PAXBP1: variants seen among roughly 807,000 people sequenced by gnomAD.
PAXBP1 encodes the protein PAX3 and PAX7 binding protein 1.
In PAXBP1, 44 loss-of-function variants were observed where a neutral mutation model predicts 119.9. That is an observed-to-expected ratio of 0.37 (90% confidence interval 0.29 to 0.47). PAXBP1 has a LOEUF of 0.47. Ranked by LOEUF, PAXBP1 falls within the 20% of genes least tolerant of loss-of-function variation. The probability of loss-of-function intolerance (pLI) is 0.99; values close to 1 mark genes in which losing one functional copy is unlikely to be tolerated. For synonymous variants in PAXBP1, 393 were observed against 406.6 expected (o/e 0.97, Z 0.40); for missense variants, 898 against 1,134.1 (o/e 0.79, Z 2.99).
chr21:32,749,615 C>G (rs1008853562), intron 10 of PAXBP1, among the ~76,000 whole-genome samples: 2 of 151,876 alleles, frequency 1.3e-5, no homozygotes, highest in Non-Finnish European at 2.9e-5. Context: ...ATAGTGGGGA[C>G]AGTCTAACAT....
At position 32,734,678 on chromosome 21, in the gene PAXBP1, C is replaced by T. The variant is rs1312543117; in HGVS notation, c.*272G>A. 9.1e-6 allele frequency: 4 copies of T among 440,720 alleles called. No homozygotes were observed. The East Asian group carries it at 1.9e-4, about 21-fold the overall frequency. 27.3% of individuals were successfully genotyped at this position (440,720 alleles called of 1,614,324 possible). ...CACTGCACACATCGTTTACAGGGGACAATTAACTGAGAGGGTTAATTTAAA... is the reference window on the plus strand; with the variant it reads ...CACTGCACACATCGTTTACAGGGGATAATTAACTGAGAGGGTTAATTTAAA... On this transcript the variant is annotated 3_prime_UTR_variant, in exon 18 of 18. Transcript: ENST00000331923.
Position 32,755,398 on chromosome 21 carries a change from CTTA to C in PAXBP1, c.1384-48_1384-46del, listed in dbSNP as rs759678928. The C allele has an allele frequency of 2.1e-5, 34 of 1,588,432 alleles. No homozygotes were observed. The Admixed American group carries it at 4.6e-4, about 22-fold the overall frequency. On this transcript the variant is annotated intron_variant, in intron 7 of 17. Transcript: ENST00000331923. ...TCCGTAACACCAAACTCCTCAGCTGCTTATTTATTTGAGGGTTCCATACTATTT... is the reference window on the plus strand; with the variant it reads ...TCCGTAACACCAAACTCCTCAGCTGCTTTATTTGAGGGTTCCATACTATTT...
At chr21:32,747,594 A>G (rs2043893564) in intron 11 of PAXBP1, among the ~76,000 whole-genome samples, 1 of 152,152 alleles carries the variant, frequency 6.6e-6, no homozygotes, top group East Asian at 1.9e-4. Flanking sequence ...TTGTGTTTCC[A>G]TGGCATCAAC....
At chr21:32,737,568 T>A in intron 16 of PAXBP1, 160 bp from the exon 17 acceptor site, 2 of 562,478 alleles carry the variant, frequency 3.6e-6, no homozygotes, top group Non-Finnish European at 5.7e-6. Flanking sequence ...TCTGACTTCC[T>A]ACATTAACTA....
chr21:32,761,599 A>G (rs917632631), intron 4 of PAXBP1, among the ~76,000 whole-genome samples: 13 of 152,262 alleles, frequency 8.5e-5, no homozygotes, highest in African/African-American at 2.7e-4. Context: ...CCTCTAACAT[A>G]AAATTTAGTA....
At chr21:32,756,737 T>C (rs901095960) in intron 7 of PAXBP1, 7 of 204,116 alleles carry the variant, frequency 3.4e-5, no homozygotes, top group Non-Finnish European at 6.9e-5. Flanking sequence ...ATCCTAGAGA[T>C]TGTTAAGCTT....
chr21:32,771,305 C>A (rs1251010364), intron 1 of PAXBP1, 21 bp downstream of exon 1: 1 of 1,566,114 alleles, frequency 6.4e-7, no homozygotes, highest in Non-Finnish European at 8.6e-7. Context: ...CGTCTAAGGG[C>A]GTCCGAAGCG....
intron 7 of PAXBP1, 131 bp from the exon 8 acceptor site, chr21:32,755,484 C>T (rs2044029351): frequency 1.7e-6 from 2 of 1,174,844 alleles, no homozygotes; most frequent in Non-Finnish European, 1.2e-6. Context: ...TCCCCAACAG[C>T]ACACAAGTAG....
At chr21:32,743,210 C>T (rs375399909) in intron 15 of PAXBP1, 38 bp downstream of exon 15, 76 of 1,485,702 alleles carry the variant, frequency 5.1e-5, no homozygotes, top group Middle Eastern at 3.5e-4. Context: ...TGAAGTCAAA[C>T]GAAATCTGAG....
At chr21:32,756,577 G>C (rs1391275871) in intron 7 of PAXBP1, 1 of 265,096 alleles carries the variant, frequency 3.8e-6, no homozygotes, top group African/African-American at 2.4e-5. Flanking sequence ...TGAGTCCAGA[G>C]ACTCTATCAT....
At chr21:32,743,850 G>T in intron 13 of PAXBP1, 96 bp from the exon 14 acceptor site, 1 of 683,292 alleles carries the variant, frequency 1.5e-6, no homozygotes, top group Non-Finnish European at 2.5e-6. Flanking sequence ...TGAACTGAGT[G>T]AACTAGTTTC....
At chr21:32,736,004 T>C (rs1309887055) in intron 17 of PAXBP1, among the ~76,000 whole-genome samples, 1 of 152,266 alleles carries the variant, frequency 6.6e-6, no homozygotes, top group Non-Finnish European at 1.5e-5. Flanking sequence ...CACTATTTGT[T>C]GATATTTAAC....
intron 15 of PAXBP1, 75 bp downstream of exon 15, chr21:32,743,173 A>G: frequency 8.7e-7 from 1 of 1,147,972 alleles, no homozygotes; most frequent in Non-Finnish European, 1.3e-6. Context: ...TTAATAAAAA[A>G]CAAAACACTC....
At chr21:32,767,501 C>T (rs2044260798) in intron 2 of PAXBP1, among the ~76,000 whole-genome samples, 1 of 152,332 alleles carries the variant, frequency 6.6e-6, no homozygotes, top group East Asian at 1.9e-4. Flanking sequence ...TATGGTTTGA[C>T]TATGTCTCCA....
intron 4 of PAXBP1, 58 bp from the exon 5 acceptor site, chr21:32,761,220 G>C (rs2044140155): frequency 4.6e-6 from 6 of 1,312,732 alleles, no homozygotes; most frequent in Non-Finnish European, 5.5e-6. Context: ...AGAGGTAAAA[G>C]ATGCTGTCCT....
intron 2 of PAXBP1, among the ~76,000 whole-genome samples, chr21:32,764,969 C>T (rs1223640556): frequency 6.6e-6 from 1 of 152,194 alleles, no homozygotes; most frequent in African/African-American, 2.4e-5. Context: ...GAACAAAGCA[C>T]ATTTACAGTC....
intron 10 of PAXBP1, among the ~76,000 whole-genome samples, chr21:32,750,232 T>C (rs1408198983): frequency 6.6e-6 from 1 of 152,198 alleles, no homozygotes; most frequent in East Asian, 1.9e-4. Flanking sequence ...TTTCAAATGG[T>C]TCAGCAAACA....
At chr21:32,759,308 C>A in intron 6 of PAXBP1, 39 bp from the exon 7 acceptor site, 2 of 1,575,984 alleles carry the variant, frequency 1.3e-6, no homozygotes, top group Non-Finnish European at 1.7e-6. Flanking sequence ...ACATTTACAT[C>A]CAAAGGTCTA....
chr21:32,739,938 T>TAG (rs1555917011), intron 15 of PAXBP1, among the ~76,000 whole-genome samples: 868 of 47,040 alleles, frequency 0.018, 14 homozygotes, highest in Middle Eastern at 0.043. Flanking sequence ...CTCGTCTCTT[T>TAG]AAAAAAAAAA....
Sources: allele counts gnomAD v4.1 joint callset (sites outside exome capture counted in the v4.1 genomes callset), GRCh38; gene constraint gnomAD v4.1.1; transcripts MANE v1.5; gene names NCBI Gene and HGNC (gene_info 2026-07-23, HGNC 2026-07-21).